FBXW10: variants seen among roughly 807,000 people sequenced by gnomAD.
FBXW10 encodes the protein F-box and WD repeat domain containing 10.
A neutral mutation model predicts 113.1 loss-of-function variants in FBXW10; 68 were observed. That is an observed-to-expected ratio of 0.60 (90% CI 0.49 to 0.74). The LOEUF is 0.74. Ranked by LOEUF, FBXW10 falls within the 30% of genes least tolerant of loss-of-function variation. The pLI is 0.00. For synonymous variants in FBXW10, 289 were observed against 481.6 expected (o/e 0.60, Z 5.24); for missense variants, 753 against 1,284.5 (o/e 0.59, Z 6.32).
Position 18,775,172 on chromosome 17 carries a change from C to A in FBXW10, c.2315C>A (p.Ser772Ter). 1 of 1,609,126 alleles carries A rather than the reference C, an allele frequency of 6.2e-7. No homozygotes were observed. Residue 772 changes from serine to a stop codon, truncating the protein, a stop_gained, in exon 13 of 14, where the codon TCA becomes TAA. Transcript: ENST00000395665. LOFTEE classifies it high-confidence loss of function. ...GAGGAACTTCAAAGTCAAGGAAAGT[C>A]AAAATCACCCCGAAGAGATGGTAAG... ...LIEELQSQGK[S>*]KSPRRDADDV...
chr17:18,776,322 TAAA>T (rs373096488), intron 13 of FBXW10, among the ~76,000 whole-genome samples: 1 of 146,694 alleles, frequency 6.8e-6, no homozygotes, highest in Admixed American at 6.8e-5. Context: ...AGATTCCGTT[TAAA>T]AAAAAAAAAG....
At chr17:18,764,667 T>A (rs2035451950) in intron 7 of FBXW10, 75 bp from the exon 8 acceptor site, 2 of 1,601,114 alleles carry the variant, frequency 1.2e-6, no homozygotes, top group African/African-American at 1.3e-5. Flanking sequence ...TAACTACTTA[T>A]CTACATGGGT....
chr17:18,768,444 G>A, intron 9 of FBXW10, 90 bp from the exon 10 acceptor site: 2 of 1,539,254 alleles, frequency 1.3e-6, no homozygotes, highest in Non-Finnish European at 8.8e-7. Flanking sequence ...TTGGTGGGGG[G>A]TGGCTTTGGG....
chr17:18,750,106 G>T lies in FBXW10; in HGVS notation c.968G>T (p.Gly323Val), dbSNP rs780780178. The T allele has an allele frequency of 1.9e-6, 3 of 1,611,258 alleles. No homozygotes were observed. Among genetic ancestry groups the T allele is most frequent in the Admixed American group, 3.3e-5 (2 of 59,756 alleles). Residue 323 changes from glycine to valine, a missense_variant, in exon 4 of 14, where the codon GGC (glycine) becomes GTC (valine). Physicochemically the swap from Gly to Val is moderately radical, Grantham distance 109 (BLOSUM62 -3). Coordinates refer to ENST00000395665, the MANE Select transcript of FBXW10 (RefSeq NM_001267585.2). ...QQVKMDLSAHGFIQNQITFLQ... is the reference protein window; with the variant it reads ...QQVKMDLSAHVFIQNQITFLQ... ...GTCAAGATGGACTTGTCAGCGCACGGCTTCATTCAGAACCAGATTACCTTC... is the reference window on the plus strand; with the variant it reads ...GTCAAGATGGACTTGTCAGCGCACGTCTTCATTCAGAACCAGATTACCTTC...
intron 6 of FBXW10, among the ~76,000 whole-genome samples, 172 bp from the exon 7 acceptor site, chr17:18,758,133 G>A (rs1262186998): frequency 6.6e-6 from 1 of 152,146 alleles, no homozygotes. Flanking sequence ...GTGAGAGTGG[G>A]GATCCCTCAA....
rs747256397 is a variant in FBXW10 at position 18,750,955 on chromosome 17, C to T, written c.1024C>T (p.Pro342Ser). Residue 342 changes from proline (P) to serine (S), a missense_variant, in exon 5 of 14, where the codon CCT becomes TCT. Transcript: ENST00000395665. Reference sequence around the variant, plus strand: ...GGGGTCCTACACAAGAGGAATTGATCCTAATTATGCCAATAAGGTTTCTAT... The same window carrying T: ...GGGGTCCTACACAAGAGGAATTGATTCTAATTATGCCAATAAGGTTTCTAT... ...LQGSYTRGID[P>S]NYANKVSIPV... 6.2e-7 allele frequency: 1 copy of T among 1,613,928 alleles called. No homozygotes were observed. Among genetic ancestry groups the T allele is most frequent in the Non-Finnish European group, 8.5e-7 (1 of 1,179,936 alleles).
At position 18,749,721 on chromosome 17, in the gene FBXW10, G is replaced by C; in HGVS notation, c.671-1G>C. 1.2e-6 allele frequency: 2 copies of C among 1,613,986 alleles called. No individual in the cohort carries two copies. Among genetic ancestry groups the C allele is most frequent in the Non-Finnish European group, 1.7e-6 (2 of 1,179,880 alleles). ...CGTACCTTTCTCTGGCTTCACTCTA[G>C]AGGAACCATGGAGGAATTCACTCCG... On this transcript the variant is annotated splice_acceptor_variant, in intron 2 of 13. Coordinates refer to ENST00000395665, the MANE Select transcript of FBXW10 (RefSeq NM_001267585.2). LOFTEE classifies it high-confidence loss of function.
chr17:18,775,012 A>G, intron 12 of FBXW10, 124 bp from the exon 13 acceptor site: 3 of 640,820 alleles, frequency 4.7e-6, no homozygotes, highest in Non-Finnish European at 8.3e-6. Context: ...CCCATAAAAA[A>G]CAAGATAGTG....
chr17:18,774,286 C>T (rs982463797), intron 12 of FBXW10, among the ~76,000 whole-genome samples: 8 of 152,246 alleles, frequency 5.3e-5, no homozygotes, highest in Non-Finnish European at 1.2e-4. Flanking sequence ...AGCAGGAAAA[C>T]AGCTGCGCTA....
rs138178982 is a variant in FBXW10, at chr17:18,767,654, A to G, written c.1704+792A>G. ...CCTAGCCTTAGCGGGTGGTGTTGAT[A>G]TATGATTTGCAGCAGGAACACAGGA... On this transcript the variant is annotated intron_variant, in intron 9 of 13. Transcript: ENST00000395665. Among the ~76,000 whole-genome samples the G allele has an allele frequency of 2.0e-3, 310 of 152,266 alleles. 3 individuals are homozygous for G. Among genetic ancestry groups the G allele is most frequent in the Middle Eastern group, 0.01 (3 of 294 alleles).
chr17:18,771,034 A>G (rs1264990982), intron 11 of FBXW10, among the ~76,000 whole-genome samples: 1 of 151,732 alleles, frequency 6.6e-6, no homozygotes, highest in Non-Finnish European at 1.5e-5. Flanking sequence ...CTTTATTAGT[A>G]TTATTTACCA....
intron 4 of FBXW10, among the ~76,000 whole-genome samples, chr17:18,750,500 G>A (rs2151792941): frequency 6.6e-6 from 1 of 151,370 alleles, no homozygotes; most frequent in South Asian, 2.1e-4. Context: ...GAGCACAGAT[G>A]TTTATAAGGC....
intron 7 of FBXW10, among the ~76,000 whole-genome samples, chr17:18,763,437 T>A (rs1268055433): frequency 6.6e-6 from 1 of 152,048 alleles, no homozygotes; most frequent in African/African-American, 2.4e-5. Flanking sequence ...ATTACAGGTG[T>A]GAGCCACCGT....
rs1172318381 is a variant in FBXW10, at chr17:18,749,747, G to C, written c.696G>C (p.Arg232=). 1 of 1,613,950 alleles carries C rather than the reference G, an allele frequency of 6.2e-7. No individual in the cohort carries two copies. The highest frequency in any genetic ancestry group is 8.5e-7 in the Non-Finnish European group (1 of 1,179,944). ...NPEEPWRNSL[R]CISEMNRLFS... is the part of the protein sequence containing the mutation. ...AGGAACCATGGAGGAATTCACTCCG[G>C]TGTATATCCGAAATGAATAGGCTGT... Residue 232 remains arginine (R), a synonymous_variant, in exon 3 of 14, where the codon CGG becomes CGC. Transcript: ENST00000395665.
chr17:18,752,003 T>C (rs1448522773), intron 5 of FBXW10, among the ~76,000 whole-genome samples: 1 of 51,364 alleles, frequency 1.9e-5, no homozygotes, highest in African/African-American at 6.4e-5. Flanking sequence ...TTAAAGTCTA[T>C]TTTAAAGTCT....
chr17:18,778,590 G>C lies in FBXW10; in HGVS notation c.2451G>C (p.Leu817=), dbSNP rs545078528. ...CTATGTCACCTGACCAATTCCTCCT[G>C]ACTGTTAGCGCCCTGCAGCACGCCC... is the stretch of plus-strand genomic sequence containing the variant. ...KIPMSPDQFL[L]TVSALQHAHN... Residue 817 remains leucine, a synonymous_variant, in exon 14 of 14, where the codon CTG becomes CTC. Coordinates refer to ENST00000395665, the MANE Select transcript of FBXW10 (RefSeq NM_001267585.2). 1 of 1,613,910 alleles carries C rather than the reference G, an allele frequency of 6.2e-7. No individual in the cohort carries two copies. Among genetic ancestry groups the C allele is most frequent in the Non-Finnish European group, 8.5e-7 (1 of 1,179,842 alleles).
chr17:18,774,840 T>A (rs775381414), intron 12 of FBXW10, among the ~76,000 whole-genome samples: 2 of 152,154 alleles, frequency 1.3e-5, no homozygotes, highest in Non-Finnish European at 2.9e-5. Context: ...ATGTATTGTA[T>A]ATTTCAAAAT....
At chr17:18,749,532 G>A (rs1056248829) in intron 2 of FBXW10, among the ~76,000 whole-genome samples, 190 bp from the exon 3 acceptor site, 1 of 141,860 alleles carries the variant, frequency 7.0e-6, no homozygotes, top group African/African-American at 2.7e-5. Context: ...GGGCGACAGA[G>A]CGAGACTCCG....
intron 7 of FBXW10, among the ~76,000 whole-genome samples, chr17:18,763,714 C>T (rs2035432194): frequency 6.6e-6 from 1 of 152,318 alleles, no homozygotes; most frequent in Admixed American, 6.5e-5. Flanking sequence ...TCTTTGCTCC[C>T]ATCTATCTCT....
Sources: gnomAD v4.1 joint callset for allele counts (sites outside exome capture counted in the v4.1 genomes callset) on GRCh38, gnomAD v4.1.1 for gene constraint, MANE v1.5 for transcripts, NCBI Gene and HGNC (gene_info 2026-07-23, HGNC 2026-07-21) for gene names.